Variants in MIPOL1 observed in about 807,000 individuals in gnomAD.
MIPOL1 encodes the protein mirror-image polydactyly gene 1 protein.
Under a neutral mutation model 60.9 loss-of-function variants are expected in MIPOL1, and 57 were observed. The observed-to-expected ratio is 0.94, with a 90% confidence interval of 0.76 to 1.17. The LOEUF is 1.17. Ranked by LOEUF, MIPOL1 falls within the 50% of genes most tolerant of loss-of-function variation. The pLI, the probability that MIPOL1 is intolerant of heterozygous loss-of-function variation, is 0.00. For synonymous variants in MIPOL1, 179 were observed against 168.8 expected (o/e 1.06, Z -0.47); for missense variants, 551 against 511.6 (o/e 1.08, Z -0.74).
intron 11 of MIPOL1, among the ~76,000 whole-genome samples, chr14:37,463,870 G>C (rs1240206922): frequency 1.3e-5 from 2 of 151,886 alleles, no homozygotes; most frequent in Middle Eastern, 3.2e-3. Context: ...ATTGAACAAA[G>C]GACTAACACC....
In MIPOL1 at chr14:37,239,091, C is replaced by T. The variant is rs567180741; in HGVS notation, c.-198-8012C>T. On this transcript the variant is annotated intron_variant, in intron 1 of 12. Transcript: ENST00000684589. Reference sequence around the variant, plus strand: ...TTGAGATGGAGTCTGACTCTGTTGCCCAGGCTGGAGTGCAGTGGCGCTCGG... The same window carrying T: ...TTGAGATGGAGTCTGACTCTGTTGCTCAGGCTGGAGTGCAGTGGCGCTCGG... 7.7e-4 allele frequency among the ~76,000 whole-genome samples: 114 copies of T among 147,750 alleles called. 1 individual carries two copies. Among genetic ancestry groups the T allele is most frequent in the Non-Finnish European group, 1.1e-3 (74 of 67,352 alleles).
intron 12 of MIPOL1, among the ~76,000 whole-genome samples, chr14:37,512,396 G>A (rs973504287): frequency 1.9e-4 from 28 of 151,142 alleles, no homozygotes; most frequent in Non-Finnish European, 5.9e-5. Context: ...TGCTTAATCT[G>A]TTTGTAGGTT....
intron 12 of MIPOL1, chr14:37,507,741 C>G (rs956969734): frequency 2.6e-5 from 4 of 152,080 alleles, no homozygotes; most frequent in African/African-American, 9.7e-5. Flanking sequence ...TACCCTAGAA[C>G]CTAAAGTATA....
At chr14:37,276,678 T>A (rs1053767823) in intron 6 of MIPOL1, 10 of 151,220 alleles carry the variant, frequency 6.6e-5, no homozygotes, top group Non-Finnish European at 1.5e-4. Flanking sequence ...GGAATCTAAT[T>A]TTTCTGTGTA....
At chr14:37,332,923 G>A (rs1469920218) in intron 9 of MIPOL1, among the ~76,000 whole-genome samples, 1 of 152,134 alleles carries the variant, frequency 6.6e-6, no homozygotes, top group Non-Finnish European at 1.5e-5. Flanking sequence ...GACATGAACT[G>A]CTGTTGTGGA....
chr14:37,499,967 G>A lies in MIPOL1; in HGVS notation c.1091G>A (p.Ser364Asn), dbSNP rs753786716. ...AAGGATCAGTTTAACTATACCCTTA[G>A]TACATATGAAGAAGCTTTAAAAAAC... ...NLKDQFNYTL[S>N]TYEEALKNRE... is the part of the protein sequence containing the mutation. Residue 364 changes from serine to asparagine, a missense_variant, in exon 12 of 13, where the codon AGT (serine) becomes AAT (asparagine). Transcript: ENST00000684589. The A allele has an allele frequency of 2.5e-6, 4 of 1,612,710 alleles. No homozygotes were observed. The highest frequency in any genetic ancestry group is 3.4e-6 in the Non-Finnish European group (4 of 1,178,932).
At chr14:37,444,345 G>A (rs897113304) in intron 11 of MIPOL1, among the ~76,000 whole-genome samples, 8 of 152,098 alleles carry the variant, frequency 5.3e-5, no homozygotes, top group African/African-American at 1.7e-4. Context: ...ACTGTACTCT[G>A]AAAACTACAG....
Position 37,246,669 on chromosome 14 carries a change from A to G in MIPOL1, c.-198-434A>G, listed in dbSNP as rs570264047. Among the ~76,000 whole-genome samples, 20 of 152,228 alleles carry G rather than the reference A, an allele frequency of 1.3e-4. No individual in the cohort carries two copies. The Middle Eastern group carries it at 0.01, about 78-fold the overall frequency. On this transcript the variant is annotated intron_variant, in intron 1 of 12. Transcript: ENST00000684589. ...GCATTTATGGAACTAAATCATTCCAATCATTTAATTACACCTGAGGAGCTG... is the reference window on the plus strand; with the variant it reads ...GCATTTATGGAACTAAATCATTCCAGTCATTTAATTACACCTGAGGAGCTG...
At chr14:37,293,580 G>A (rs954386499) in intron 7 of MIPOL1, among the ~76,000 whole-genome samples, 4 of 152,140 alleles carry the variant, frequency 2.6e-5, no homozygotes, top group East Asian at 1.9e-4. Flanking sequence ...GGTGACAGAC[G>A]GCACCTGGAA....
chr14:37,469,652 A>G (rs2094651768), intron 11 of MIPOL1, among the ~76,000 whole-genome samples: 1 of 152,184 alleles, frequency 6.6e-6, no homozygotes, highest in Non-Finnish European at 1.5e-5. Flanking sequence ...TTGCCACTAT[A>G]ACAATATTAA....
intron 9 of MIPOL1, among the ~76,000 whole-genome samples, chr14:37,330,352 T>A (rs949296641): frequency 7.2e-5 from 11 of 152,108 alleles, no homozygotes; most frequent in Admixed American, 5.2e-4. Context: ...TAATCTCAAA[T>A]CCATTTAGTC....
At chr14:37,288,907 C>T (rs142553645) in intron 7 of MIPOL1, among the ~76,000 whole-genome samples, 4 of 152,208 alleles carry the variant, frequency 2.6e-5, no homozygotes, top group African/African-American at 9.6e-5. Context: ...GCTTGCATTC[C>T]TCAGATAAAA....
At chr14:37,356,580 C>T (rs938132483) in intron 9 of MIPOL1, among the ~76,000 whole-genome samples, 5 of 152,208 alleles carry the variant, frequency 3.3e-5, no homozygotes, top group Non-Finnish European at 4.4e-5. Flanking sequence ...GTAGGACCCT[C>T]CGAGCCAGGT....
intron 12 of MIPOL1, among the ~76,000 whole-genome samples, chr14:37,515,592 A>G (rs904464005): frequency 6.6e-6 from 1 of 152,228 alleles, no homozygotes; most frequent in Non-Finnish European, 1.5e-5. Flanking sequence ...AAGCTATATA[A>G]TGGTAAAAAT....
intron 10 of MIPOL1, among the ~76,000 whole-genome samples, chr14:37,383,632 A>T (rs2092987557): frequency 6.6e-6 from 1 of 151,898 alleles, no homozygotes. Flanking sequence ...ATCTAGATCT[A>T]CAAGTTTTCA....
At chr14:37,293,380 A>G (rs1353167440) in intron 7 of MIPOL1, among the ~76,000 whole-genome samples, 2 of 152,136 alleles carry the variant, frequency 1.3e-5, no homozygotes, top group African/African-American at 4.8e-5. Flanking sequence ...TCCCAGCATG[A>G]GTGATGCAGA....
intron 1 of MIPOL1, among the ~76,000 whole-genome samples, chr14:37,218,727 A>G (rs572378544): frequency 6.6e-6 from 1 of 152,176 alleles, no homozygotes; most frequent in African/African-American, 2.4e-5. Flanking sequence ...ACTTGAGCCC[A>G]GGAATTCAAG....
intron 12 of MIPOL1, among the ~76,000 whole-genome samples, chr14:37,513,411 T>G (rs1467386619): frequency 6.6e-6 from 1 of 152,126 alleles, no homozygotes; most frequent in Non-Finnish European, 1.5e-5. Context: ...CATAATTATA[T>G]TCATTTATTT....
At position 37,549,591 on chromosome 14, in the gene MIPOL1, A is replaced by G. The variant is rs544423860; in HGVS notation, c.*2620A>G. 6.6e-6 allele frequency: 1 copy of G among 152,014 alleles called. No individual in the cohort carries two copies. The highest frequency in any genetic ancestry group is 2.1e-4 in the South Asian group (1 of 4,818). 9.4% of individuals were successfully genotyped at this position (152,014 alleles called of 1,614,324 possible). ...ACTATGAGTCTCTAAATCTCTCTGT[A>G]AGAAAAAAATTTCAAAGTAAAGATT... is the stretch of plus-strand genomic sequence containing the variant. On this transcript the variant is annotated 3_prime_UTR_variant, in exon 13 of 13. Transcript: ENST00000684589.
Sources: gnomAD v4.1 joint callset for allele counts (sites outside exome capture counted in the v4.1 genomes callset) on GRCh38, gnomAD v4.1.1 for gene constraint, MANE v1.5 for transcripts, NCBI Gene and HGNC (gene_info 2026-07-23, HGNC 2026-07-21) for gene names.